GJD3: variants seen among roughly 807,000 people sequenced by gnomAD.
GJD3 encodes gap junction protein delta 3.
For missense variants in GJD3, 421 were observed against 448.5 expected, an observed-to-expected ratio of 0.94 and a Z score of 0.55; for synonymous variants, 217 against 226.7, an observed-to-expected ratio of 0.96 and a Z score of 0.38.
chr17:40,360,652 T>A lies in GJD3; in HGVS notation c.*2279A>T, dbSNP rs2034743102. The A allele has an allele frequency of 5.8e-6, 1 of 171,014 alleles. No homozygotes were observed. The highest frequency in any genetic ancestry group is 5.7e-5 in the Admixed American group (1 of 17,652). The allele number at this position is 171,014 out of a possible 1,614,324, so 10.6% of individuals were successfully genotyped here. A position where few individuals can be genotyped will look rare whatever the true frequency, so the allele number is the denominator to read the frequency against. ...AAATAAAATACGTGACTAAAATTAATTTCATTTGTTTCCTTTTACTTTTTT... is the reference window on the plus strand; with the variant it reads ...AAATAAAATACGTGACTAAAATTAAATTCATTTGTTTCCTTTTACTTTTTT... On this transcript the variant is annotated 3_prime_UTR_variant, in exon 1 of 1. Coordinates refer to ENST00000578689, the MANE Select transcript of GJD3 (RefSeq NM_152219.4).
In GJD3 at chr17:40,363,768, C is replaced by A. The variant is rs761773257; in HGVS notation, c.48G>T (p.Leu16=). The part of the protein sequence containing the change: ...FLGSLLDAVQ[L]QSPLVGRLWL... ...AGAGGCGGCCCACGAGCGGCGACTG[C>A]AGCTGCACGGCGTCCAGCAGCGAGC... The change falls in exon 1 of 1, where the codon CTG becomes CTT. Residue 16 remains leucine (L), a synonymous_variant. Transcript: ENST00000578689. This position sits in a 1 kb window ranked among gnomAD's most constrained non-coding sequence, Gnocchi z 5.5. 6.2e-7 allele frequency: 1 copy of A among 1,608,892 alleles called. No homozygotes were observed. Among genetic ancestry groups the A allele is most frequent in the Admixed American group, 1.7e-5 (1 of 59,760 alleles).
At position 40,361,092 on chromosome 17, in the gene GJD3, C is replaced by G. The variant is rs1391556021; in HGVS notation, c.*1839G>C. On this transcript the variant is annotated 3_prime_UTR_variant, in exon 1 of 1. Coordinates refer to ENST00000578689, the MANE Select transcript of GJD3 (RefSeq NM_152219.4). ...CTTGGGGTGGGGGCTACCAGGGGAGCCCTCTCCTTGAAGGTGTCTGTTTTC... is the reference window on the plus strand; with the variant it reads ...CTTGGGGTGGGGGCTACCAGGGGAGGCCTCTCCTTGAAGGTGTCTGTTTTC... 3 of 449,160 alleles carry G rather than the reference C, an allele frequency of 6.7e-6. No homozygotes were observed. The highest frequency in any genetic ancestry group is 1.3e-5 in the Non-Finnish European group (3 of 223,790). The allele number at this position is 449,160 out of a possible 1,614,324, so 27.8% of individuals were successfully genotyped here.
Position 40,363,605 on chromosome 17 carries a change from G to T in GJD3, c.211C>A (p.Pro71Thr). 6.2e-7 allele frequency: 1 copy of T among 1,601,464 alleles called. No homozygotes were observed. ...CRQTCYDRAF[P>T]VSHYRFWLFH... ...AGCCAGAAGCGGTAGTGGGAGACCG[G>T]GAAGGCGCGGTCGTAGCAGGTCTGG... is the stretch of plus-strand genomic sequence containing the variant. Residue 71 changes from proline to threonine, a missense_variant, in exon 1 of 1, where the codon CCG becomes ACG. Pro to Thr is a conservative substitution (Grantham distance 38, BLOSUM62 -1). Coordinates refer to ENST00000578689, the MANE Select transcript of GJD3 (RefSeq NM_152219.4). This position sits in a 1 kb window ranked among gnomAD's most constrained non-coding sequence, Gnocchi z 5.5.
At position 40,361,172 on chromosome 17, in the gene GJD3, C is replaced by T; in HGVS notation, c.*1759G>A. 2.7e-6 allele frequency: 1 copy of T among 374,980 alleles called. No individual in the cohort carries two copies. Among genetic ancestry groups the T allele is most frequent in the African/African-American group, 2.1e-5 (1 of 46,898 alleles). 23.2% of individuals were successfully genotyped at this position (374,980 alleles called of 1,614,324 possible). ...CATTAGCTAGGGGAGGAGAAGGCTG[C>T]AGGAAGCAGCGGCTACTCTGGGCAA... On this transcript the variant is annotated 3_prime_UTR_variant, in exon 1 of 1. Coordinates refer to ENST00000578689, the MANE Select transcript of GJD3 (RefSeq NM_152219.4).
At position 40,361,445 on chromosome 17, in the gene GJD3, G is replaced by C. The variant is rs951729958; in HGVS notation, c.*1486C>G. On this transcript the variant is annotated 3_prime_UTR_variant, in exon 1 of 1. Transcript: ENST00000578689. ...ACCTCCCACTGCTGTGTGGGGCACA[G>C]GAGAGCTGAGAAAGACGCCAGGAAC... Among the ~76,000 whole-genome samples, 1 of 152,226 alleles carries C rather than the reference G, an allele frequency of 6.6e-6. No individual in the cohort carries two copies. Among genetic ancestry groups the C allele is most frequent in the Non-Finnish European group, 1.5e-5 (1 of 68,048 alleles).
rs2034746297 is a variant in GJD3 at position 40,360,851 on chromosome 17, TG to T, written c.*2079del. ...CCATCTGGGTTTGTGTGGAGGGGTC[TG>T]GGTTGTGGACACAGAACTGTCATCA... On this transcript the variant is annotated 3_prime_UTR_variant, in exon 1 of 1. Transcript: ENST00000578689. 1 of 371,350 alleles carries T rather than the reference TG, an allele frequency of 2.7e-6. No individual in the cohort carries two copies. Among genetic ancestry groups the T allele is most frequent in the African/African-American group, 2.1e-5 (1 of 46,850 alleles). 23.0% of individuals were successfully genotyped at this position (371,350 alleles called of 1,614,324 possible).
In GJD3 at chr17:40,362,785, G is replaced by T; in HGVS notation, c.*146C>A. The T allele has an allele frequency of 9.6e-7, 1 of 1,041,416 alleles. No individual in the cohort carries two copies. The highest frequency in any genetic ancestry group is 1.2e-6 in the Non-Finnish European group (1 of 855,056). The allele number at this position is 1,041,416 out of a possible 1,614,324, so 64.5% of individuals were successfully genotyped here. On this transcript the variant is annotated 3_prime_UTR_variant, in exon 1 of 1. Transcript: ENST00000578689. ...GGCAGTACGAGGCAAGTGCGATGCC[G>T]CCCGCGGGCCGTCCCCACAACGCGT...
Position 40,362,767 on chromosome 17 carries a change from C to A in GJD3, c.*164G>T, listed in dbSNP as rs1401229310. Among the ~76,000 whole-genome samples, 1 of 152,240 alleles carries A rather than the reference C, an allele frequency of 6.6e-6. No homozygotes were observed. Among genetic ancestry groups the A allele is most frequent in the African/African-American group, 2.4e-5 (1 of 41,470 alleles). On this transcript the variant is annotated 3_prime_UTR_variant, in exon 1 of 1. Coordinates refer to ENST00000578689, the MANE Select transcript of GJD3 (RefSeq NM_152219.4). ...CGCCGGCAGCCACTGGGAGGCAGTA[C>A]GAGGCAAGTGCGATGCCGCCCGCGG...
chr17:40,362,009 C>A lies in GJD3; in HGVS notation c.*922G>T, dbSNP rs1323862922. Among the ~76,000 whole-genome samples, 2 of 152,076 alleles carry A rather than the reference C, an allele frequency of 1.3e-5. No individual in the cohort carries two copies. Among genetic ancestry groups the A allele is most frequent in the Non-Finnish European group, 1.5e-5 (1 of 67,978 alleles). On this transcript the variant is annotated 3_prime_UTR_variant, in exon 1 of 1. Coordinates refer to ENST00000578689, the MANE Select transcript of GJD3 (RefSeq NM_152219.4). ...AGGGAGCCTCTCCTCCTCTTCCCTCCCTGGGCGGGGTCTCTTGGGAGGGGG... is the reference window on the plus strand; with the variant it reads ...AGGGAGCCTCTCCTCCTCTTCCCTCACTGGGCGGGGTCTCTTGGGAGGGGG...
rs1196552137 is a variant in GJD3, at chr17:40,363,013, G to A, written c.803C>T (p.Pro268Leu). 1.6e-5 allele frequency: 19 copies of A among 1,210,312 alleles called. No individual in the cohort carries two copies. The highest frequency in any genetic ancestry group is 1.8e-5 in the Non-Finnish European group (18 of 975,112). 75.0% of individuals were successfully genotyped at this position (1,210,312 alleles called of 1,614,324 possible). Residue 268 changes from proline (P) to leucine (L), a missense_variant, in exon 1 of 1, where the codon CCG becomes CTG. Coordinates refer to ENST00000578689, the MANE Select transcript of GJD3 (RefSeq NM_152219.4). This position sits in a 1 kb window ranked among gnomAD's most constrained non-coding sequence, Gnocchi z 5.5. Reference sequence around the variant, plus strand: ...GCACTCGCGGAGGCTGGCCGGCGCCGGGTGCGCATAGGCCGGCGGGGCGCA... The same window carrying A: ...GCACTCGCGGAGGCTGGCCGGCGCCAGGTGCGCATAGGCCGGCGGGGCGCA... ...EPCAPPAYAH[P>L]APASLRECGS...
chr17:40,361,190 C>T lies in GJD3; in HGVS notation c.*1741G>A, dbSNP rs1598596565. The T allele has an allele frequency of 5.4e-6, 2 of 368,122 alleles. No homozygotes were observed. The highest frequency in any genetic ancestry group is 4.0e-5 in the South Asian group (2 of 49,420). The allele number at this position is 368,122 out of a possible 1,614,324, so 22.8% of individuals were successfully genotyped here. A position where few individuals can be genotyped will look rare whatever the true frequency, so the allele number is the denominator to read the frequency against. ...AAGGCTGCAGGAAGCAGCGGCTACT[C>T]TGGGCAAAGGAACAGCACGTTCAAA... On this transcript the variant is annotated 3_prime_UTR_variant, in exon 1 of 1. Transcript: ENST00000578689.
chr17:40,361,885 AC>A lies in GJD3; in HGVS notation c.*1045del, dbSNP rs1405965265. 7.6e-5 allele frequency among the ~76,000 whole-genome samples: 1 copy of A among 13,100 alleles called. No homozygotes were observed. Among genetic ancestry groups the A allele is most frequent in the Non-Finnish European group, 1.9e-4 (1 of 5,364 alleles). The allele number at this position is 13,100 out of a possible 152,430, so 8.6% of individuals were successfully genotyped here. A position where few individuals can be genotyped will look rare whatever the true frequency, so the allele number is the denominator to read the frequency against. On this transcript the variant is annotated 3_prime_UTR_variant, in exon 1 of 1. Transcript: ENST00000578689. ...GCCCTCTGGCCCGCCGCCCACCCCCACCCCACCTCCATGAAAGCGCCCAGCC... is the reference window on the plus strand; with the variant it reads ...GCCCTCTGGCCCGCCGCCCACCCCCACCCACCTCCATGAAAGCGCCCAGCC...
chr17:40,363,666 C>G lies in GJD3; in HGVS notation c.150G>C (p.Glu50Asp). 6.2e-7 allele frequency: 1 copy of G among 1,609,174 alleles called. No homozygotes were observed. Among genetic ancestry groups the G allele is most frequent in the South Asian group, 1.1e-5 (1 of 90,486 alleles). ...VGGAVFEDEQ[E>D]EFVCNTLQPG... ...GCTGCAGCGTGTTGCACACGAACTC[C>G]TCTTGCTCGTCCTCGAACACGGCGC... is the stretch of plus-strand genomic sequence containing the variant. Residue 50 changes from glutamate (E) to aspartate (D), a missense_variant, in exon 1 of 1, where the codon GAG (glutamate) becomes GAC (aspartate). Physicochemically the swap from Glu to Asp is conservative, Grantham distance 45 (BLOSUM62 2). Coordinates refer to ENST00000578689, the MANE Select transcript of GJD3 (RefSeq NM_152219.4). This position sits in a 1 kb window ranked among gnomAD's most constrained non-coding sequence, Gnocchi z 5.5.
In GJD3 at chr17:40,362,906, A is replaced by G. The variant is rs1317869964; in HGVS notation, c.*25T>C. Reference sequence around the variant, plus strand: ...TGGCGGGGTCCGGCCCTCGCCGTCCAGTCCGCGCGAGGCGGTGCCCGCCCC... The same window carrying G: ...TGGCGGGGTCCGGCCCTCGCCGTCCGGTCCGCGCGAGGCGGTGCCCGCCCC... On this transcript the variant is annotated 3_prime_UTR_variant, in exon 1 of 1. Transcript: ENST00000578689. 3 of 1,201,864 alleles carry G rather than the reference A, an allele frequency of 2.5e-6. No individual in the cohort carries two copies. In the Admixed American group the frequency reaches 1.4e-4, roughly 54 times the overall value. The allele number at this position is 1,201,864 out of a possible 1,614,324, so 74.4% of individuals were successfully genotyped here.
Position 40,363,687 on chromosome 17 carries a change from G to A in GJD3, c.129C>T (p.Ala43=), listed in dbSNP as rs1308485204. Residue 43 remains alanine, a synonymous_variant, in exon 1 of 1, where the codon GCC becomes GCT. Coordinates refer to ENST00000578689, the MANE Select transcript of GJD3 (RefSeq NM_152219.4). This position sits in a 1 kb window ranked among gnomAD's most constrained non-coding sequence, Gnocchi z 5.5. ...RILVLATVGG[A]VFEDEQEEFV... is the part of the protein sequence containing the mutation. ...ACTCCTCTTGCTCGTCCTCGAACAC[G>A]GCGCCGCCCACCGTGGCCAGCACCA... is the stretch of plus-strand genomic sequence containing the variant. The A allele has an allele frequency of 1.2e-6, 2 of 1,609,768 alleles. No individual in the cohort carries two copies. Among genetic ancestry groups the A allele is most frequent in the South Asian group, 2.2e-5 (2 of 90,720 alleles).
At position 40,363,512 on chromosome 17, in the gene GJD3, T is replaced by C; in HGVS notation, c.304A>G (p.Lys102Glu). The change falls in exon 1 of 1, where the codon AAG becomes GAG. Residue 102 changes from lysine (K) to glutamate (E), a missense_variant. Transcript: ENST00000578689. This position sits in a 1 kb window ranked among gnomAD's most constrained non-coding sequence, Gnocchi z 5.5. ...FVVYSMHRAG[K>E]EAGGAEAAAQ... ...GCCGCCTCAGCGCCGCCCGCCTCCT[T>C]GCCTGCCCGGTGCATGGAGTAGACG... 6.4e-7 allele frequency: 1 copy of C among 1,553,828 alleles called. No homozygotes were observed. Among genetic ancestry groups the C allele is most frequent in the Middle Eastern group, 1.7e-4 (1 of 5,884 alleles).
chr17:40,362,832 C>T lies in GJD3; in HGVS notation c.*99G>A, dbSNP rs2034764153. The stretch of plus-strand genomic sequence containing the variant: ...GCGTCTCCTGCCGGGGCAGGTCCCG[C>T]GACAGCTCTGGTGGAAGCAGCTTCC... On this transcript the variant is annotated 3_prime_UTR_variant, in exon 1 of 1. Transcript: ENST00000578689. 1 of 1,075,426 alleles carries T rather than the reference C, an allele frequency of 9.3e-7. No individual in the cohort carries two copies. Among genetic ancestry groups the T allele is most frequent in the African/African-American group, 1.7e-5 (1 of 59,144 alleles). 66.6% of individuals were successfully genotyped at this position (1,075,426 alleles called of 1,614,324 possible). A position where few individuals can be genotyped will look rare whatever the true frequency, so the allele number is the denominator to read the frequency against.
rs749911669 is a variant in GJD3, at chr17:40,361,928, G to A, written c.*1003C>T. On this transcript the variant is annotated 3_prime_UTR_variant, in exon 1 of 1. Coordinates refer to ENST00000578689, the MANE Select transcript of GJD3 (RefSeq NM_152219.4). The stretch of plus-strand genomic sequence containing the variant: ...CGCCCAGCCCCCGCCTCGCCACAAG[G>A]GGTACTGTGAGGATGTTGCTCATAG... Among the ~76,000 whole-genome samples the A allele has an allele frequency of 1.5e-3, 206 of 141,402 alleles. 1 individual carries two copies. Among genetic ancestry groups the A allele is most frequent in the Non-Finnish European group, 2.1e-3 (135 of 64,684 alleles). 92.8% of individuals were successfully genotyped at this position (141,402 alleles called of 152,430 possible).
chr17:40,363,235 T>A lies in GJD3; in HGVS notation c.581A>T (p.Tyr194Phe). The change falls in exon 1 of 1, where the codon TAT becomes TTT. Residue 194 changes from tyrosine to phenylalanine, a missense_variant. Tyr to Phe is a conservative substitution (Grantham distance 22). Transcript: ENST00000578689. The surrounding 1 kb of genome is among the most constrained non-coding windows in gnomAD (Gnocchi z 5.5). ...CGCCGACAGCAGCCCCACCGCGAAA[T>A]AGAAGAGCACGAAGACGGTCTTCTC... ...PTEKTVFVLF[Y>F]FAVGLLSALL... is the part of the protein sequence containing the mutation. 6.9e-7 allele frequency: 1 copy of A among 1,445,788 alleles called. No homozygotes were observed. The highest frequency in any genetic ancestry group is 9.1e-7 in the Non-Finnish European group (1 of 1,097,670). 89.6% of individuals were successfully genotyped at this position (1,445,788 alleles called of 1,614,324 possible). A position where few individuals can be genotyped will look rare whatever the true frequency, so the allele number is the denominator to read the frequency against.
Sources: gnomAD v4.1 joint callset for allele counts (sites outside exome capture counted in the v4.1 genomes callset) on GRCh38, gnomAD v4.1.1 for gene constraint, Gnocchi (gnomAD v3.1) non-coding constraint, MANE v1.5 for transcripts, NCBI Gene and HGNC (gene_info 2026-07-23, HGNC 2026-07-21) for gene names.